GCNT4: variants seen among roughly 807,000 people sequenced by gnomAD.
GCNT4 encodes glucosaminyl (N-acetyl) transferase 4.
A neutral mutation model predicts 31.3 loss-of-function variants in GCNT4; 17 were observed. The observed-to-expected ratio is 0.54, with a 90% CI of 0.37 to 0.81. The LOEUF (loss-of-function observed/expected upper bound fraction) is 0.81. GCNT4 is among the 40% of genes least tolerant of loss of function. The pLI is 0.00. For missense variants in GCNT4, 503 were observed against 525.5 expected (o/e 0.96, Z 0.42); for synonymous variants, 158 against 190.6 (o/e 0.83, Z 1.41).
upstream of GCNT4, among the ~76,000 whole-genome samples, chr5:75,053,455 C>A (rs923430223): frequency 6.6e-6 from 1 of 152,102 alleles, no homozygotes; most frequent in Admixed American, 6.5e-5. Flanking sequence ...AGGCTGAGAC[C>A]GGGTTAACAT....
At chr5:75,036,655 T>C (rs1010169856) in intron 3 of GCNT4, among the ~76,000 whole-genome samples, 1 of 152,212 alleles carries the variant, frequency 6.6e-6, no homozygotes, top group African/African-American at 2.4e-5. Context: ...ATGATTTCCA[T>C]GGAGAATGAG....
At chr5:75,035,111 C>A (rs182574337) in intron 3 of GCNT4, among the ~76,000 whole-genome samples, 5 of 141,016 alleles carry the variant, frequency 3.5e-5, no homozygotes, top group East Asian at 2.0e-4. Context: ...TTCAGGGACA[C>A]CCCAGCTAAG....
downstream of GCNT4, among the ~76,000 whole-genome samples, chr5:75,024,251 A>C (rs1742915758): frequency 6.6e-6 from 1 of 152,170 alleles, no homozygotes; most frequent in South Asian, 2.1e-4. Context: ...GACCTGCCTC[A>C]CCACCACTGG....
At chr5:75,049,015 T>C (rs1451874886) in intron 2 of GCNT4, among the ~76,000 whole-genome samples, 2 of 152,168 alleles carry the variant, frequency 1.3e-5, no homozygotes, top group Admixed American at 6.5e-5. Flanking sequence ...AGTAACAAAA[T>C]TGTAGTTTGT....
chr5:75,048,710 GACCA>G (rs1743501318), intron 2 of GCNT4, among the ~76,000 whole-genome samples: 1 of 152,144 alleles, frequency 6.6e-6, no homozygotes, highest in Non-Finnish European at 1.5e-5. Context: ...CTAAGGAAGG[GACCA>G]ACCCACTCTG....
chr5:75,052,647 C>T (rs910073775), upstream of GCNT4: 5 of 152,126 alleles, frequency 3.3e-5, no homozygotes, highest in Non-Finnish European at 5.9e-5. Context: ...GCTTCCGCCC[C>T]CAAAGAACAA....
In GCNT4 at chr5:75,028,663, C is replaced by G; in HGVS notation, c.*13G>C. The G allele has an allele frequency of 6.3e-7, 1 of 1,597,780 alleles. No homozygotes were observed. The highest frequency in any genetic ancestry group is 8.5e-7 in the Non-Finnish European group (1 of 1,172,342). On this transcript the variant is annotated 3_prime_UTR_variant, in exon 4 of 4. Transcript: ENST00000652361. ...TTATCAGGCACCCTCTTATTTCCATCCTGATTTTACTATCATGATGTGGTA... is the reference window on the plus strand; with the variant it reads ...TTATCAGGCACCCTCTTATTTCCATGCTGATTTTACTATCATGATGTGGTA...
In GCNT4 at chr5:75,031,393, A is replaced by G. The variant is rs773470514; in HGVS notation, c.-1-1355T>C. 8.9e-4 allele frequency among the ~76,000 whole-genome samples: 135 copies of G among 152,334 alleles called. 1 individual carries two copies. The highest frequency in any genetic ancestry group is 1.7e-3 in the Non-Finnish European group (118 of 68,034). ...AGCCTAAACTTTTTCTTAAAGGACCAGATAGTAAATATTTTTGGCTCTGTG... is the reference window on the plus strand; with the variant it reads ...AGCCTAAACTTTTTCTTAAAGGACCGGATAGTAAATATTTTTGGCTCTGTG... On this transcript the variant is annotated intron_variant, in intron 3 of 3. Coordinates refer to ENST00000652361, the MANE Select transcript of GCNT4 (RefSeq NM_001366737.1).
chr5:75,034,790 A>C (rs1743158951), intron 3 of GCNT4, among the ~76,000 whole-genome samples: 1 of 152,222 alleles, frequency 6.6e-6, no homozygotes, highest in Admixed American at 6.5e-5. Context: ...CTCCTCACTA[A>C]AGTCCCAATA....
At chr5:75,025,339 C>A (rs1742930153), downstream of GCNT4, 1 of 152,142 alleles carries the variant, frequency 6.6e-6, no homozygotes, top group African/African-American at 2.4e-5. Flanking sequence ...CTCATAAAGT[C>A]CAAGGGTTTG....
At chr5:75,032,873 GT>G (rs1364187630) in intron 3 of GCNT4, among the ~76,000 whole-genome samples, 38 of 8,520 alleles carry the variant, frequency 4.5e-3, no homozygotes, top group Middle Eastern at 0.042. Flanking sequence ...CCAAATAGGG[GT>G]GTGTGTGTGT....
At chr5:75,030,094 T>C in intron 3 of GCNT4, 56 bp from the exon 4 acceptor site, 1 of 1,507,636 alleles carries the variant, frequency 6.6e-7, no homozygotes, top group Non-Finnish European at 8.9e-7. Context: ...ATCAGGTCAG[T>C]TTATCCAAAA....
chr5:75,051,595 T>A (rs901919614), intron 2 of GCNT4, among the ~76,000 whole-genome samples: 6 of 152,042 alleles, frequency 3.9e-5, no homozygotes. Context: ...TCTCTCCCTC[T>A]CCCTTCCTAG....
Position 75,029,614 on chromosome 5 carries a change from C to T in GCNT4, c.424G>A (p.Asp142Asn). Residue 142 changes from aspartate (D) to asparagine (N), a missense_variant, in exon 4 of 4, where the codon GAT becomes AAT. Physicochemically the swap from Asp to Asn is conservative, Grantham distance 23. Coordinates refer to ENST00000652361, the MANE Select transcript of GCNT4 (RefSeq NM_001366737.1). ...PIAYSLVVHK[D>N]AIMVERLIHA... ...ATAAGCCTTTCAACCATAATTGCAT[C>T]TTTGTGGACAACCAAAGAATAGGCT... The T allele has an allele frequency of 1.1e-5, 18 of 1,614,130 alleles. No homozygotes were observed. The highest frequency in any genetic ancestry group is 1.5e-5 in the Non-Finnish European group (18 of 1,180,032).
intron 3 of GCNT4, among the ~76,000 whole-genome samples, chr5:75,043,229 A>T (rs1248180839): frequency 1.3e-5 from 2 of 152,212 alleles, no homozygotes; most frequent in Non-Finnish European, 2.9e-5. Context: ...GACTCTTCAG[A>T]TTTTCCAACA....
chr5:75,053,619 C>A (rs1743640805), upstream of GCNT4, among the ~76,000 whole-genome samples: 1 of 152,078 alleles, frequency 6.6e-6, no homozygotes, highest in African/African-American at 2.4e-5. Flanking sequence ...TCCGCGGCGG[C>A]TCGCTCTCGC....
At chr5:75,045,238 C>T (rs1425309691) in intron 3 of GCNT4, among the ~76,000 whole-genome samples, 1 of 152,174 alleles carries the variant, frequency 6.6e-6, no homozygotes, top group East Asian at 1.9e-4. Flanking sequence ...ATCCACAGAA[C>T]ACGGTCATTT....
At chr5:75,023,088 A>C (rs928957039), downstream of GCNT4, among the ~76,000 whole-genome samples, 4 of 152,200 alleles carry the variant, frequency 2.6e-5, no homozygotes, top group East Asian at 7.7e-4. Context: ...GAAAGAATGG[A>C]TATTAGAAGG....
intron 3 of GCNT4, among the ~76,000 whole-genome samples, chr5:75,045,559 T>C (rs1435978718): frequency 6.6e-6 from 1 of 152,238 alleles, no homozygotes; most frequent in East Asian, 1.9e-4. Flanking sequence ...GCTTCCACCC[T>C]TTCAGCTATT....
Sources: allele counts gnomAD v4.1 joint callset (sites outside exome capture counted in the v4.1 genomes callset), GRCh38; gene constraint gnomAD v4.1.1; transcripts MANE v1.5; gene names NCBI Gene and HGNC (gene_info 2026-07-23, HGNC 2026-07-21).